The following GPX4 variants were observed in gnomAD, a reference collection of about 807,000 sequenced individuals.
GPX4 encodes glutathione peroxidase 4.
In GPX4, 28 loss-of-function variants were observed where a neutral mutation model predicts 27.8. That is an observed-to-expected ratio of 1.01 (90% CI 0.75 to 1.38). The LOEUF (loss-of-function observed/expected upper bound fraction) is 1.38, where lower values mean the gene tolerates loss of function less well. Among genes scored for constraint, GPX4 ranks in the 40% most tolerant of loss-of-function variants. GPX4 has a pLI of 0.00. For synonymous variants in GPX4, 163 were observed against 107.8 expected (o/e 1.51, Z -3.17); for missense variants, 357 against 274.1 (o/e 1.30, Z -2.14).
At chr19:1,104,386 G>C (rs1032688595) in intron 1 of GPX4, 7 of 437,558 alleles carry the variant, frequency 1.6e-5, no homozygotes, top group African/African-American at 1.2e-4. Flanking sequence ...CGCGCGGGTC[G>C]TGGTCGGGGA....
At position 1,106,234 on chromosome 19, in the gene GPX4, T is replaced by C. The variant is rs1242927290; in HGVS notation, c.477-8T>C. 1 of 1,604,612 alleles carries C rather than the reference T, an allele frequency of 6.2e-7. No individual in the cohort carries two copies. The highest frequency in any genetic ancestry group is 8.5e-7 in the Non-Finnish European group (1 of 1,174,864). ...GGGGACGCTCACGTCCATGTGCTTC[T>C]TTTCCAGTGCCATCAAGTGGAACTT... On this transcript the variant is annotated splice_region_variant and splice_polypyrimidine_tract_variant and intron_variant, in intron 4 of 6. Transcript: ENST00000354171.
At chr19:1,104,469 G>A (rs1157541979) in intron 1 of GPX4, 4 of 361,482 alleles carry the variant, frequency 1.1e-5, no homozygotes, top group African/African-American at 2.1e-5. Context: ...AGGGGGCGGG[G>A]TCCGGGACGG....
At chr19:1,104,651 G>A in intron 1 of GPX4, 1 of 985,476 alleles carries the variant, frequency 1.0e-6, no homozygotes, top group Non-Finnish European at 1.2e-6. Flanking sequence ...CAGTCGCGCA[G>A]TCCTGACTAC....
chr19:1,105,287 G>C lies in GPX4; in HGVS notation c.179+7G>C, dbSNP rs779516356. On this transcript the variant is annotated splice_region_variant and intron_variant, in intron 2 of 6. Coordinates refer to ENST00000354171, the MANE Select transcript of GPX4 (RefSeq NM_002085.5). ...TTAACCTGGACAAGTACCGGTGGGC[G>C]CTCGCCTGGGGTGGGGCGCGGGGTC... 1.2e-6 allele frequency: 2 copies of C among 1,612,900 alleles called. No individual in the cohort carries two copies. Among genetic ancestry groups the C allele is most frequent in the Non-Finnish European group, 1.7e-6 (2 of 1,179,856 alleles).
intron 1 of GPX4, 199 bp downstream of exon 1, chr19:1,104,326 G>A (rs570421363): frequency 1.9e-6 from 1 of 522,414 alleles, no homozygotes; most frequent in South Asian, 3.6e-5. Context: ...CCTCCAGGCC[G>A]TTGTAGGCGC....
intron 4 of GPX4, 178 bp downstream of exon 4, chr19:1,105,987 C>A: frequency 1.2e-6 from 1 of 805,572 alleles, no homozygotes; most frequent in Non-Finnish European, 1.9e-6. Flanking sequence ...ACATAGAGGG[C>A]TGTGGAGGCA....
intron 1 of GPX4, 95 bp from the exon 2 acceptor site, chr19:1,105,091 C>T: frequency 6.6e-7 from 1 of 1,517,978 alleles, no homozygotes; most frequent in South Asian, 1.2e-5. Flanking sequence ...GCCTCGGTGT[C>T]CCCGCCACCG....
chr19:1,105,493 A>G lies in GPX4; in HGVS notation c.307A>G (p.Asn103Asp), dbSNP rs781318061. 6.2e-7 allele frequency: 1 copy of G among 1,612,514 alleles called. No homozygotes were observed. The highest frequency in any genetic ancestry group is 8.5e-7 in the Non-Finnish European group (1 of 1,179,772). ...CGLRILAFPCNQFGKQEPGSN... is the reference protein window; with the variant it reads ...CGLRILAFPCDQFGKQEPGSN... Reference sequence around the variant, plus strand: ...TTTGCGGATCCTGGCCTTCCCGTGTAACCAGTTCGGGAAGCAGGTGGGCTG... The same window carrying G: ...TTTGCGGATCCTGGCCTTCCCGTGTGACCAGTTCGGGAAGCAGGTGGGCTG... Residue 103 changes from asparagine to aspartate, a missense_variant, in exon 3 of 7, where the codon AAC (asparagine) becomes GAC (aspartate). Physicochemically the swap from Asn to Asp is conservative, Grantham distance 23. Transcript: ENST00000354171.
In GPX4 at chr19:1,104,868, A is replaced by C; in HGVS notation, c.85-318A>C. The C allele has an allele frequency of 2.5e-6, 3 of 1,224,228 alleles. No individual in the cohort carries two copies. Among genetic ancestry groups the C allele is most frequent in the African/African-American group, 1.6e-5 (1 of 64,260 alleles). The allele number at this position is 1,224,228 out of a possible 1,614,324, so 75.8% of individuals were successfully genotyped here. A position where few individuals can be genotyped will look rare whatever the true frequency, so the allele number is the denominator to read the frequency against. On this transcript the variant is annotated intron_variant, in intron 1 of 6. Coordinates refer to ENST00000354171, the MANE Select transcript of GPX4 (RefSeq NM_002085.5). ...CGCAGGAGGGCGCGGCGCCGGCGGAAGAAGCCCTGTCCCCGCAGCTTGCGA... is the reference window on the plus strand; with the variant it reads ...CGCAGGAGGGCGCGGCGCCGGCGGACGAAGCCCTGTCCCCGCAGCTTGCGA...
In GPX4 at chr19:1,106,386, C is replaced by T. The variant is rs767048072; in HGVS notation, c.502-14C>T. On this transcript the variant is annotated splice_polypyrimidine_tract_variant and intron_variant, in intron 5 of 6. Coordinates refer to ENST00000354171, the MANE Select transcript of GPX4 (RefSeq NM_002085.5). ...CAGGGGTGGCCCCACAGTTTGGACA[C>T]CGTCTCTCCACAGTTCCTCATCGAC... 7 of 1,613,502 alleles carry T rather than the reference C, an allele frequency of 4.3e-6. No homozygotes were observed. In the South Asian group the frequency reaches 7.7e-5, roughly 18 times the overall value.
rs2079664188 is a variant in GPX4, at chr19:1,106,737, C to T, written c.*165C>T. Reference sequence around the variant, plus strand: ...ATGGCCTGCTGGGCTTGGCTCGGCGCCCCCACCCCTGGCTACCTTGTGGGA... The same window carrying T: ...ATGGCCTGCTGGGCTTGGCTCGGCGTCCCCACCCCTGGCTACCTTGTGGGA... On this transcript the variant is annotated 3_prime_UTR_variant, in exon 7 of 7. Transcript: ENST00000354171. 1 of 816,452 alleles carries T rather than the reference C, an allele frequency of 1.2e-6. No homozygotes were observed. Among genetic ancestry groups the T allele is most frequent in the Non-Finnish European group, 1.9e-6 (1 of 528,778 alleles). 50.6% of individuals were successfully genotyped at this position (816,452 alleles called of 1,614,324 possible).
At chr19:1,106,068 G>A (rs1052492930) in intron 4 of GPX4, 174 bp from the exon 5 acceptor site, 2 of 649,102 alleles carry the variant, frequency 3.1e-6, no homozygotes, top group South Asian at 2.0e-5. Context: ...GGGCTGTTGG[G>A]ACTCTCACAC....
chr19:1,104,524 G>A (rs981525710), intron 1 of GPX4: 8 of 603,070 alleles, frequency 1.3e-5, no homozygotes, highest in Non-Finnish European at 1.5e-5. Context: ...GGGCGTCTCC[G>A]GGCCGAGCGG....
rs774824204 is a variant in GPX4 at position 1,104,839 on chromosome 19, C to CA, written c.85-346dup. 14 of 1,097,590 alleles carry CA rather than the reference C, an allele frequency of 1.3e-5. No homozygotes were observed. Among genetic ancestry groups the CA allele is most frequent in the Non-Finnish European group, 1.6e-5 (14 of 888,908 alleles). The allele number at this position is 1,097,590 out of a possible 1,614,324, so 68.0% of individuals were successfully genotyped here. Reference sequence around the variant, plus strand: ...CTCGGCGGCGGAAGGCCCCAGCGTGCAGGCGCAGGAGGGCGCGGCGCCGGC... The same window carrying CA: ...CTCGGCGGCGGAAGGCCCCAGCGTGCAAGGCGCAGGAGGGCGCGGCGCCGGC... On this transcript the variant is annotated intron_variant, in intron 1 of 6. Coordinates refer to ENST00000354171, the MANE Select transcript of GPX4 (RefSeq NM_002085.5).
chr19:1,104,076 G>T lies in GPX4; in HGVS notation c.33G>T (p.Lys11Asn). 1 of 1,519,614 alleles carries T rather than the reference G, an allele frequency of 6.6e-7. No individual in the cohort carries two copies. The highest frequency in any genetic ancestry group is 1.2e-5 in the South Asian group (1 of 82,374). 94.1% of individuals were successfully genotyped at this position (1,519,614 alleles called of 1,614,324 possible). A position where few individuals can be genotyped will look rare whatever the true frequency, so the allele number is the denominator to read the frequency against. MSLGRLCRLL[K>N]PALLCGALAA... ...TCGGCCGCCTTTGCCGCCTACTGAA[G>T]CCGGCGCTGCTCTGTGGGGCTCTGG... The change falls in exon 1 of 7, where the codon AAG (lysine) becomes AAT (asparagine). Residue 11 changes from lysine to asparagine, a missense_variant. By Grantham distance (94) the Lys-to-Asn change is moderately conservative. Transcript: ENST00000354171.
chr19:1,105,236 C>T lies in GPX4; in HGVS notation c.135C>T (p.Ser45=), dbSNP rs372370002. The part of the protein sequence containing the change: ...WRCARSMHEF[S]AKDIDGHMVN... ...GTGCGCGCTCCATGCACGAGTTTTC[C>T]GCCAAGGACATCGACGGGCACATGG... Residue 45 remains serine (S), a synonymous_variant, in exon 2 of 7, where the codon TCC becomes TCT. Transcript: ENST00000354171. The T allele has an allele frequency of 1.6e-4, 253 of 1,613,102 alleles. 1 individual carries two copies. The highest frequency in any genetic ancestry group is 2.1e-4 in the Non-Finnish European group (243 of 1,179,914).
chr19:1,105,952 C>T (rs2079647437), intron 4 of GPX4, 143 bp downstream of exon 4: 4 of 1,030,186 alleles, frequency 3.9e-6, no homozygotes, highest in African/African-American at 1.6e-5. Flanking sequence ...CGCGTGGCCT[C>T]CTGGGGGTAA....
rs1356892049 is a variant in GPX4 at position 1,104,095 on chromosome 19, G to T, written c.52G>T (p.Ala18Ser). The T allele has an allele frequency of 6.6e-7, 1 of 1,510,750 alleles. No homozygotes were observed. The highest frequency in any genetic ancestry group is 8.8e-7 in the Non-Finnish European group (1 of 1,136,506). 93.6% of individuals were successfully genotyped at this position (1,510,750 alleles called of 1,614,324 possible). A position where few individuals can be genotyped will look rare whatever the true frequency, so the allele number is the denominator to read the frequency against. Residue 18 changes from alanine to serine, a missense_variant, in exon 1 of 7, where the codon GCT becomes TCT. Physicochemically the swap from Ala to Ser is moderately conservative, Grantham distance 99. Transcript: ENST00000354171. Reference protein sequence around the residue: ...RLLKPALLCGALAAPGLAGTM... With the variant: ...RLLKPALLCGSLAAPGLAGTM... ...ACTGAAGCCGGCGCTGCTCTGTGGG[G>T]CTCTGGCCGCGCCTGGCCTGGCCGG...
At position 1,104,079 on chromosome 19, in the gene GPX4, G is replaced by C. The variant is rs4807542; in HGVS notation, c.36G>C (p.Pro12=). ...GCCGCCTTTGCCGCCTACTGAAGCC[G>C]GCGCTGCTCTGTGGGGCTCTGGCCG... The part of the protein sequence containing the change: ...SLGRLCRLLK[P]ALLCGALAAP... Residue 12 remains proline, a synonymous_variant, in exon 1 of 7, where the codon CCG becomes CCC. Transcript: ENST00000354171. 4.8e-5 allele frequency: 73 copies of C among 1,517,862 alleles called. No homozygotes were observed. Among genetic ancestry groups the C allele is most frequent in the Non-Finnish European group, 6.3e-5 (72 of 1,139,496 alleles). The allele number at this position is 1,517,862 out of a possible 1,614,324, so 94.0% of individuals were successfully genotyped here.
Sources: gnomAD v4.1 joint callset for allele counts on GRCh38, gnomAD v4.1.1 for gene constraint, MANE v1.5 for transcripts, NCBI Gene and HGNC (gene_info 2026-07-23, HGNC 2026-07-21) for gene names.